Variants in SLC2A5 observed in about 807,000 individuals in gnomAD.
SLC2A5 encodes the protein solute carrier family 2 member 5.
In SLC2A5, 56 loss-of-function variants were observed where a neutral mutation model predicts 50.3. The observed-to-expected ratio is 1.11, with a 90% CI of 0.90 to 1.39. SLC2A5 has a LOEUF of 1.39. Among genes scored for constraint, SLC2A5 ranks in the 40% most tolerant of loss-of-function variants. The pLI is 0.00. For synonymous variants in SLC2A5, 269 were observed against 281.9 expected (o/e 0.95, Z 0.46); for missense variants, 566 against 650.1 (o/e 0.87, Z 1.41).
chr1:9,090,859 C>A (rs956762502), upstream of SLC2A5, among the ~76,000 whole-genome samples: 1 of 152,212 alleles, frequency 6.6e-6, no homozygotes, highest in Admixed American at 6.5e-5. Context: ...AATATGTGGA[C>A]AATTTACTCC....
intron 1 of SLC2A5, among the ~76,000 whole-genome samples, chr1:9,085,673 T>C (rs1042811155): frequency 6.6e-6 from 1 of 152,240 alleles, no homozygotes; most frequent in African/African-American, 2.4e-5. Flanking sequence ...TTAAGAGCCC[T>C]GACTGAGGAG....
chr1:9,061,718 C>A (rs998804020), intron 1 of SLC2A5, among the ~76,000 whole-genome samples: 2 of 152,166 alleles, frequency 1.3e-5, no homozygotes, highest in Non-Finnish European at 2.9e-5. Flanking sequence ...TGATGAGTGC[C>A]CTAAGGTTTG....
rs115788112 is a variant in SLC2A5, at chr1:9,054,781, G to A, written c.293+2667C>T. 7.4e-3 allele frequency among the ~76,000 whole-genome samples: 1,119 copies of A among 152,078 alleles called. 12 individuals are homozygous for A. Among genetic ancestry groups the A allele is most frequent in the African/African-American group, 0.026 (1,062 of 41,452 alleles). ...CTCTACAAAAACTAAAAAATGAGCT[G>A]AGCACCATGGCACACACCTATAGTT... On this transcript the variant is annotated intron_variant, in intron 3 of 11. Transcript: ENST00000377424.
rs138084863 is a variant in SLC2A5 at position 9,040,416 on chromosome 1, C to T, written c.572-227G>A. The stretch of plus-strand genomic sequence containing the variant: ...GCGCCCATCAGACAGACCACACCGA[C>T]GAGGCCGGTAATACCATGTGCTGGT... On this transcript the variant is annotated intron_variant, in intron 5 of 11. Coordinates refer to ENST00000377424, the MANE Select transcript of SLC2A5 (RefSeq NM_003039.3). The surrounding 1 kb of genome is among the most constrained non-coding windows in gnomAD (Gnocchi z 4.3). 5 of 562,556 alleles carry T rather than the reference C, an allele frequency of 8.9e-6. No individual in the cohort carries two copies. The highest frequency in any genetic ancestry group is 3.3e-5 in the Admixed American group (1 of 30,060). 34.8% of individuals were successfully genotyped at this position (562,556 alleles called of 1,614,324 possible). A position where few individuals can be genotyped will look rare whatever the true frequency, so the allele number is the denominator to read the frequency against.
chr1:9,060,769 A>T (rs1641920495), intron 1 of SLC2A5, among the ~76,000 whole-genome samples: 1 of 150,618 alleles, frequency 6.6e-6, no homozygotes, highest in African/African-American at 2.4e-5. Context: ...CTCCCATCTG[A>T]TTCGCTCTGT....
chr1:9,053,291 A>T (rs369759925), intron 3 of SLC2A5, among the ~76,000 whole-genome samples: 871 of 3,786 alleles, frequency 0.23, 210 homozygotes, highest in Middle Eastern at 0.33. Context: ...TATATTGTAT[A>T]TTTATATTAT....
Position 9,040,277 on chromosome 1 carries a change from T to C in SLC2A5, c.572-88A>G. On this transcript the variant is annotated intron_variant, in intron 5 of 11. Transcript: ENST00000377424. This position sits in a 1 kb window ranked among gnomAD's most constrained non-coding sequence, Gnocchi z 4.3. ...AGAGCCGGCCCCAGCCCCGTCATCC[T>C]GAGTGGGGTGCAGGCTCCAGGAGGG... 1 of 1,460,486 alleles carries C rather than the reference T, an allele frequency of 6.8e-7. No homozygotes were observed. Among genetic ancestry groups the C allele is most frequent in the African/African-American group, 1.4e-5 (1 of 71,032 alleles). The allele number at this position is 1,460,486 out of a possible 1,614,324, so 90.5% of individuals were successfully genotyped here.
At chr1:9,050,189 A>G (rs2124365406) in intron 3 of SLC2A5, among the ~76,000 whole-genome samples, 1 of 152,078 alleles carries the variant, frequency 6.6e-6, no homozygotes, top group East Asian at 1.9e-4. Context: ...AGGCTAGAGA[A>G]TTGCTTGAAC....
chr1:9,060,256 TACAC>T (rs1641894302), intron 1 of SLC2A5, among the ~76,000 whole-genome samples: 6 of 62,954 alleles, frequency 9.5e-5, no homozygotes, highest in African/African-American at 4.1e-4. Flanking sequence ...GTACACACAC[TACAC>T]ACACACTCCC....
chr1:9,061,167 A>G (rs1481827630), intron 1 of SLC2A5, among the ~76,000 whole-genome samples: 1 of 151,286 alleles, frequency 6.6e-6, no homozygotes, highest in Non-Finnish European at 1.5e-5. Context: ...CTGTAATCCC[A>G]ACTACTCAGG....
intron 1 of SLC2A5, among the ~76,000 whole-genome samples, chr1:9,087,746 T>G (rs1642418248): frequency 6.6e-6 from 1 of 152,118 alleles, no homozygotes; most frequent in African/African-American, 2.4e-5. Context: ...AGGGCTACTC[T>G]CCGGTGGGCT....
At chr1:9,050,247 C>T (rs1478510245) in intron 3 of SLC2A5, among the ~76,000 whole-genome samples, 1 of 151,172 alleles carries the variant, frequency 6.6e-6, no homozygotes, top group African/African-American at 2.4e-5. Context: ...ACTTGCACTC[C>T]AGCCTGGGTG....
At chr1:9,054,682 TG>T (rs1641706452) in intron 3 of SLC2A5, among the ~76,000 whole-genome samples, 1 of 152,204 alleles carries the variant, frequency 6.6e-6, no homozygotes, top group African/African-American at 2.4e-5. Context: ...CCCAGCACTT[TG>T]GGAGGCCAAG....
chr1:9,065,834 C>A (rs114091426), intron 1 of SLC2A5, among the ~76,000 whole-genome samples: 3 of 151,994 alleles, frequency 2.0e-5, no homozygotes, highest in Non-Finnish European at 2.9e-5. Context: ...CTCGTCTCTA[C>A]GAAAAAATTT....
upstream of SLC2A5, chr1:9,073,106 T>C (rs1388602545): frequency 6.6e-6 from 1 of 152,250 alleles, no homozygotes; most frequent in East Asian, 1.9e-4. Context: ...CTCCGGGCTG[T>C]TCTGTGACCA....
upstream of SLC2A5, among the ~76,000 whole-genome samples, chr1:9,089,540 G>T (rs1642440695): frequency 6.6e-6 from 1 of 152,128 alleles, no homozygotes; most frequent in Admixed American, 6.5e-5. Flanking sequence ...AATTCAAAAA[G>T]GCAAGCGTCT....
chr1:9,092,848 G>A (rs1356654585), upstream of SLC2A5, among the ~76,000 whole-genome samples: 1 of 152,126 alleles, frequency 6.6e-6, no homozygotes, highest in Non-Finnish European at 1.5e-5. Context: ...TTCAGGAAAG[G>A]TTGAGAAAAT....
At chr1:9,045,387 C>A (rs1189928944) in intron 4 of SLC2A5, among the ~76,000 whole-genome samples, 1 of 152,150 alleles carries the variant, frequency 6.6e-6, no homozygotes, top group African/African-American at 2.4e-5. Context: ...AGACCAAAAA[C>A]TGAGAACTGC....
At chr1:9,071,894 A>G (rs1364446168), upstream of SLC2A5, among the ~76,000 whole-genome samples, 1 of 149,966 alleles carries the variant, frequency 6.7e-6, no homozygotes, top group East Asian at 2.0e-4. Context: ...CTCAGCCCGG[A>G]TCCCCCTCGG....
Sources: allele counts gnomAD v4.1 joint callset (sites outside exome capture counted in the v4.1 genomes callset), GRCh38; gene constraint gnomAD v4.1.1; non-coding constraint Gnocchi (gnomAD v3.1); transcripts MANE v1.5; gene names NCBI Gene and HGNC (gene_info 2026-07-23, HGNC 2026-07-21).